CYS1: variants seen among roughly 807,000 people sequenced by gnomAD.
CYS1 encodes the protein cystin 1, also known as cystin-1.
A neutral mutation model predicts 9.6 loss-of-function variants in CYS1; 5 were observed. That is an observed-to-expected ratio of 0.52 (90% CI 0.27 to 1.10). The LOEUF (loss-of-function observed/expected upper bound fraction) is 1.10. Among genes scored for constraint, CYS1 ranks in the 50% least tolerant of loss-of-function variants. The probability of loss-of-function intolerance (pLI) is 0.11; values close to 1 mark genes in which losing one functional copy is unlikely to be tolerated. For synonymous variants in CYS1, 88 were observed against 95.7 expected (o/e 0.92, Z 0.47); for missense variants, 221 against 207.9 (o/e 1.06, Z -0.39).
chr2:10,065,836 T>C, intron 2 of CYS1, 68 bp downstream of exon 2: 5 of 1,527,736 alleles, frequency 3.3e-6, no homozygotes, highest in Non-Finnish European at 4.5e-6. Context: ...AGGAGGGCTC[T>C]GAGGCTGGCT....
intron 1 of CYS1, among the ~76,000 whole-genome samples, chr2:10,079,640 G>A (rs1661910870): frequency 6.6e-6 from 1 of 151,822 alleles, no homozygotes; most frequent in Non-Finnish European, 1.5e-5. Flanking sequence ...AGGGGAGCCG[G>A]GAGCCCGGCG....
At chr2:10,071,485 G>A (rs1661767471) in intron 1 of CYS1, among the ~76,000 whole-genome samples, 1 of 152,262 alleles carries the variant, frequency 6.6e-6, no homozygotes, top group Non-Finnish European at 1.5e-5. Flanking sequence ...CATCCAGTGC[G>A]TGAACGGCCC....
intron 1 of CYS1, among the ~76,000 whole-genome samples, chr2:10,070,766 C>G (rs930432618): frequency 5.3e-5 from 8 of 152,146 alleles, no homozygotes; most frequent in African/African-American, 1.9e-4. Context: ...ATCTCAGCCT[C>G]CTGAGTAACT....
In CYS1 at chr2:10,064,896, GT is replaced by G. The variant is rs77778372; in HGVS notation, c.371+1007del. Among the ~76,000 whole-genome samples, 537 of 131,682 alleles carry G rather than the reference GT, an allele frequency of 4.1e-3. 2 individuals carry two copies. Among genetic ancestry groups the G allele is most frequent in the African/African-American group, 8.2e-3 (298 of 36,518 alleles). The allele number at this position is 131,682 out of a possible 152,430, so 86.4% of individuals were successfully genotyped here. On this transcript the variant is annotated intron_variant, in intron 2 of 2. Transcript: ENST00000381813. The stretch of plus-strand genomic sequence containing the variant: ...CTGTGCCCGGCTAATTTTTGTTTTT[GT>G]TTTTTTTTTTTTTGGTATTTTTTTA...
intron 2 of CYS1, 119 bp from the exon 3 acceptor site, chr2:10,059,077 T>C (rs571719047): frequency 1.4e-5 from 13 of 911,250 alleles, no homozygotes; most frequent in South Asian, 1.4e-4. Context: ...CCGAAGTCTT[T>C]GCCCTGGGAC....
At chr2:10,064,207 G>T (rs1031587976) in intron 2 of CYS1, among the ~76,000 whole-genome samples, 1 of 152,004 alleles carries the variant, frequency 6.6e-6, no homozygotes, top group Admixed American at 6.6e-5. Context: ...TGGATGACAA[G>T]AGCAAAACTC....
intron 1 of CYS1, among the ~76,000 whole-genome samples, chr2:10,071,576 T>C (rs1661769202): frequency 2.0e-5 from 3 of 152,388 alleles, no homozygotes; most frequent in Admixed American, 2.0e-4. Context: ...TGTTTTTCTC[T>C]GTGCCTGAGA....
At chr2:10,067,638 C>T (rs112507857) in intron 1 of CYS1, among the ~76,000 whole-genome samples, 17,788 of 151,926 alleles carry the variant, frequency 0.12, 1,104 homozygotes, top group Middle Eastern at 0.24. Flanking sequence ...AACTCCTGGA[C>T]TCAAACAATC....
At chr2:10,061,894 T>C (rs1465159875) in intron 2 of CYS1, among the ~76,000 whole-genome samples, 2 of 152,122 alleles carry the variant, frequency 1.3e-5, no homozygotes, top group Non-Finnish European at 2.9e-5. Flanking sequence ...AAGGGAAAAA[T>C]TGATCCTAAA....
chr2:10,064,726 A>T (rs1038931655), intron 2 of CYS1, among the ~76,000 whole-genome samples: 29 of 150,608 alleles, frequency 1.9e-4, no homozygotes, highest in African/African-American at 4.6e-4. Flanking sequence ...TTATTTATTT[A>T]TTTTTTTCTG....
At position 10,071,090 on chromosome 2, in the gene CYS1, C is replaced by T. The variant is rs190757166; in HGVS notation, c.319-5134G>A. On this transcript the variant is annotated intron_variant, in intron 1 of 2. Transcript: ENST00000381813. ...AAGCGATTCTCCTGCCTCAGCCTCC[C>T]GAGTAGCTGGGATTACAGGTGCCCG... is the stretch of plus-strand genomic sequence containing the variant. Among the ~76,000 whole-genome samples the T allele has an allele frequency of 2.7e-3, 404 of 152,070 alleles. 1 individual carries two copies. Among genetic ancestry groups the T allele is most frequent in the Middle Eastern group, 0.01 (3 of 294 alleles).
rs1209934311 is a variant in CYS1, at chr2:10,076,890, C to A, written c.318+3016G>T. Among the ~76,000 whole-genome samples the A allele has an allele frequency of 6.6e-6, 1 of 152,090 alleles. No individual in the cohort carries two copies. The highest frequency in any genetic ancestry group is 1.5e-5 in the Non-Finnish European group (1 of 68,022). ...ACGAACTCCAAACCTGACCTCTCCC[C>A]TGAATGCCAAACTCTTACAAAGATC... On this transcript the variant is annotated intron_variant, in intron 1 of 2. Transcript: ENST00000381813. The surrounding 1 kb of genome is among the most constrained non-coding windows in gnomAD (Gnocchi z 4.3).
At chr2:10,078,449 C>T (rs1254576676) in intron 1 of CYS1, among the ~76,000 whole-genome samples, 1 of 152,224 alleles carries the variant, frequency 6.6e-6, no homozygotes, top group East Asian at 1.9e-4. Context: ...CTTGGCATGG[C>T]GCACTGCAGC....
At chr2:10,069,755 G>A (rs1661740956) in intron 1 of CYS1, among the ~76,000 whole-genome samples, 1 of 152,210 alleles carries the variant, frequency 6.6e-6, no homozygotes, top group Non-Finnish European at 1.5e-5. Context: ...AGGAAACTTT[G>A]GATAATGTGT....
rs144533943 is a variant in CYS1, at chr2:10,073,107, G to T, written c.318+6799C>A. On this transcript the variant is annotated intron_variant, in intron 1 of 2. Coordinates refer to ENST00000381813, the MANE Select transcript of CYS1 (RefSeq NM_001037160.3). ...GGTGCAGGCTGGCTGTGTGGGAGTG[G>T]TGCAGATGGGCTCTGGGGGGCAGCG... 2.8e-3 allele frequency among the ~76,000 whole-genome samples: 425 copies of T among 151,906 alleles called. 1 individual carries two copies. Among genetic ancestry groups the T allele is most frequent in the African/African-American group, 9.6e-3 (399 of 41,404 alleles).
chr2:10,080,215 G>A lies in CYS1; in HGVS notation c.9C>T (p.Ser3=), dbSNP rs915039971. ...GAGTCCGGCTGCTCCGGCTGCTGCC[G>A]CTGCCCATGGCGCGCCCGCCGCCTC... MG[S]GSSRSSRTLR... Residue 3 remains serine (S), a synonymous_variant, in exon 1 of 3, where the codon AGC becomes AGT. Coordinates refer to ENST00000381813, the MANE Select transcript of CYS1 (RefSeq NM_001037160.3). This position sits in a 1 kb window ranked among gnomAD's most constrained non-coding sequence, Gnocchi z 6.4. The A allele has an allele frequency of 3.8e-6, 4 of 1,056,736 alleles. 1 individual carries two copies. Among genetic ancestry groups the A allele is most frequent in the Admixed American group, 1.1e-4 (2 of 18,136 alleles). The allele number at this position is 1,056,736 out of a possible 1,614,324, so 65.5% of individuals were successfully genotyped here.
rs1224515310 is a variant in CYS1 at position 10,057,198 on chromosome 2, G to T, written c.*1655C>A. 6.6e-6 allele frequency: 1 copy of T among 152,250 alleles called. No homozygotes were observed. The highest frequency in any genetic ancestry group is 1.5e-5 in the Non-Finnish European group (1 of 68,032). The allele number at this position is 152,250 out of a possible 1,614,324, so 9.4% of individuals were successfully genotyped here. The stretch of plus-strand genomic sequence containing the variant: ...TAAGAAATGTTAACTTATTTTAAAA[G>T]ATGTATTTGCATTATTAAAATATAG... On this transcript the variant is annotated 3_prime_UTR_variant, in exon 3 of 3. Coordinates refer to ENST00000381813, the MANE Select transcript of CYS1 (RefSeq NM_001037160.3).
At chr2:10,059,074 C>A (rs576887345) in intron 2 of CYS1, 116 bp from the exon 3 acceptor site, 13 of 964,638 alleles carry the variant, frequency 1.3e-5, no homozygotes, top group East Asian at 2.7e-5. Context: ...AAACCGAAGT[C>A]TTTGCCCTGG....
In CYS1 at chr2:10,080,157, C is replaced by A; in HGVS notation, c.67G>T (p.Ala23Ser). Reference protein sequence around the residue: ...RRRRSPESLPAGPGAAALEGG... With the variant: ...RRRRSPESLPSGPGAAALEGG... ...TCCAGGGCTGCCGCTCCGGGCCCCG[C>A]GGGGAGGCTCTCGGGGCTGCGCCGC... Residue 23 changes from alanine (A) to serine (S), a missense_variant, in exon 1 of 3, where the codon GCG becomes TCG. By Grantham distance (99) the Ala-to-Ser change is moderately conservative. Transcript: ENST00000381813. The surrounding 1 kb of genome is among the most constrained non-coding windows in gnomAD (Gnocchi z 6.4). The A allele has an allele frequency of 9.5e-7, 1 of 1,054,304 alleles. No homozygotes were observed. Among genetic ancestry groups the A allele is most frequent in the South Asian group, 3.8e-5 (1 of 26,078 alleles). The allele number at this position is 1,054,304 out of a possible 1,614,324, so 65.3% of individuals were successfully genotyped here. A position where few individuals can be genotyped will look rare whatever the true frequency, so the allele number is the denominator to read the frequency against.
Sources: allele counts gnomAD v4.1 joint callset (sites outside exome capture counted in the v4.1 genomes callset), GRCh38; gene constraint gnomAD v4.1.1; non-coding constraint Gnocchi (gnomAD v3.1); transcripts MANE v1.5; gene names NCBI Gene and HGNC (gene_info 2026-07-23, HGNC 2026-07-21).